Variants in SLC24A2 observed in about 807,000 individuals in gnomAD.
The protein encoded by SLC24A2 is solute carrier family 24 member 2.
SLC24A2 carries 36 observed loss-of-function variants against 62.0 expected under a neutral mutation model. The observed-to-expected ratio is 0.58, with a 90% CI of 0.44 to 0.77. SLC24A2 has a LOEUF of 0.77. Ranked by LOEUF, SLC24A2 falls within the 30% of genes least tolerant of loss-of-function variation. The pLI is 0.00. For synonymous variants in SLC24A2, 358 were observed against 294.0 expected (o/e 1.22, Z -2.23); for missense variants, 846 against 817.9 (o/e 1.03, Z -0.42).
At chr9:19,947,591 C>G in the SLC24A2 span, among the ~76,000 whole-genome samples, 1 of 151,608 alleles carries the variant, frequency 6.6e-6, no homozygotes, top group Non-Finnish European at 1.5e-5. Flanking sequence ...GAGATTGAGA[C>G]CATCCTGGCT....
At chr9:19,567,912 G>T (rs1415266112) in intron 7 of SLC24A2, among the ~76,000 whole-genome samples, 1 of 152,078 alleles carries the variant, frequency 6.6e-6, no homozygotes, top group Non-Finnish European at 1.5e-5. Flanking sequence ...GCTCTCTATT[G>T]CCACGGTAAA....
At chr9:20,029,838 G>A in the SLC24A2 span, among the ~76,000 whole-genome samples, 11 of 152,208 alleles carry the variant, frequency 7.2e-5, no homozygotes, top group East Asian at 1.9e-3. Context: ...GTGTGTGTAT[G>A]TGTGTGTATG....
the SLC24A2 span, among the ~76,000 whole-genome samples, chr9:20,263,196 CA>C: frequency 6.6e-6 from 1 of 152,178 alleles, no homozygotes; most frequent in Non-Finnish European, 1.5e-5. Context: ...GGATAGTCAG[CA>C]ATAAAATTAA....
the SLC24A2 span, among the ~76,000 whole-genome samples, chr9:19,954,587 A>C: frequency 6.8e-6 from 1 of 148,094 alleles, no homozygotes; most frequent in Non-Finnish European, 1.5e-5. Flanking sequence ...CTTCCGCCAG[A>C]TTTTTTTTTT....
the SLC24A2 span, among the ~76,000 whole-genome samples, chr9:20,268,782 T>C: frequency 6.6e-6 from 1 of 152,222 alleles, no homozygotes; most frequent in African/African-American, 2.4e-5. Flanking sequence ...TATTTGAATA[T>C]ACTCAGTTCA....
chr9:19,546,793 C>T (rs1834599466), intron 8 of SLC24A2, among the ~76,000 whole-genome samples: 1 of 152,012 alleles, frequency 6.6e-6, no homozygotes, highest in African/African-American at 2.4e-5. Context: ...CAAATGGCTA[C>T]TCAGTTTTGT....
At chr9:19,647,439 A>T (rs1564016063) in intron 2 of SLC24A2, among the ~76,000 whole-genome samples, 1 of 152,212 alleles carries the variant, frequency 6.6e-6, no homozygotes, top group African/African-American at 2.4e-5. Context: ...AAGCACTGGG[A>T]AAGATGAGAA....
At chr9:19,587,226 T>TA (rs1218228158) in intron 5 of SLC24A2, among the ~76,000 whole-genome samples, 4 of 152,200 alleles carry the variant, frequency 2.6e-5, no homozygotes, top group African/African-American at 9.6e-5. Flanking sequence ...GACCTATATA[T>TA]AAAAAACAGA....
the SLC24A2 span, among the ~76,000 whole-genome samples, chr9:20,303,168 C>A: frequency 3.9e-5 from 6 of 151,988 alleles, no homozygotes; most frequent in African/African-American, 1.2e-4. Flanking sequence ...AAGGCTGCTG[C>A]CCTTTTTCAT....
At chr9:19,975,470 T>A in the SLC24A2 span, among the ~76,000 whole-genome samples, 1 of 152,188 alleles carries the variant, frequency 6.6e-6, no homozygotes, top group Admixed American at 6.5e-5. Flanking sequence ...TGGACCTGTG[T>A]CTGAGTTGTG....
At chr9:20,006,674 G>T in the SLC24A2 span, among the ~76,000 whole-genome samples, 77 of 152,072 alleles carry the variant, frequency 5.1e-4, no homozygotes, top group Admixed American at 2.1e-3. Flanking sequence ...CCTCATCAAG[G>T]CCTAGGGAAT....
At chr9:19,952,508 G>A in the SLC24A2 span, among the ~76,000 whole-genome samples, 5 of 151,870 alleles carry the variant, frequency 3.3e-5, no homozygotes, top group African/African-American at 9.7e-5. Context: ...TTTCATTCCC[G>A]ATTTCCTCAG....
At chr9:20,006,258 A>G in the SLC24A2 span, among the ~76,000 whole-genome samples, 2 of 152,106 alleles carry the variant, frequency 1.3e-5, no homozygotes, top group East Asian at 3.9e-4. Flanking sequence ...TATTCATGTT[A>G]TTAAATACTA....
the SLC24A2 span, among the ~76,000 whole-genome samples, chr9:20,020,108 C>G: frequency 6.6e-6 from 1 of 152,324 alleles, no homozygotes; most frequent in East Asian, 1.9e-4. Flanking sequence ...TAGGAACGCT[C>G]TTACACTGTT....
the SLC24A2 span, among the ~76,000 whole-genome samples, chr9:19,880,411 A>G: frequency 1.3e-5 from 2 of 152,212 alleles, no homozygotes; most frequent in African/African-American, 2.4e-5. Context: ...TCTTATGTCC[A>G]CTTTTACATA....
chr9:19,735,945 A>G (rs1351000434), intron 2 of SLC24A2, among the ~76,000 whole-genome samples: 1 of 152,326 alleles, frequency 6.6e-6, no homozygotes, highest in East Asian at 1.9e-4. Context: ...AACATGGCAC[A>G]TGTATACATA....
At chr9:19,931,419 C>T in the SLC24A2 span, among the ~76,000 whole-genome samples, 2 of 152,096 alleles carry the variant, frequency 1.3e-5, no homozygotes, top group Non-Finnish European at 2.9e-5. Flanking sequence ...AGAGAAAACC[C>T]ACAATTCTTT....
intron 9 of SLC24A2, among the ~76,000 whole-genome samples, chr9:19,526,662 T>C (rs781599092): frequency 3.3e-5 from 5 of 152,208 alleles, no homozygotes; most frequent in Admixed American, 6.5e-5. Flanking sequence ...TGGTGAAATA[T>C]CTGTTCAGAT....
At chr9:20,232,635 TA>T in the SLC24A2 span, among the ~76,000 whole-genome samples, 12 of 152,330 alleles carry the variant, frequency 7.9e-5, 1 homozygote, top group South Asian at 2.5e-3. Flanking sequence ...TTTTCTTCTT[TA>T]TTAGTCTTGC....
Sources: gnomAD v4.1 joint callset for allele counts (sites outside exome capture counted in the v4.1 genomes callset) on GRCh38, gnomAD v4.1.1 for gene constraint, MANE v1.5 for transcripts, NCBI Gene and HGNC (gene_info 2026-07-23, HGNC 2026-07-21) for gene names.